The following PCDH9 variants were observed in gnomAD, a reference collection of about 807,000 sequenced individuals.
PCDH9 encodes the protein protocadherin 9, also known as protocadherin-9.
PCDH9 carries 24 observed loss-of-function variants against 70.6 expected under a neutral mutation model. That is an observed-to-expected ratio of 0.34 (90% CI 0.25 to 0.48). PCDH9 has a LOEUF of 0.48. PCDH9 is among the 20% of genes least tolerant of loss of function. The pLI is 0.99. For missense variants in PCDH9, 1,281 were observed against 1,503.6 expected (o/e 0.85, Z 2.45); for synonymous variants, 562 against 558.5 (o/e 1.01, Z -0.09).
chr13:67,042,506 A>G (rs868604850), intron 2 of PCDH9, among the ~76,000 whole-genome samples: 2 of 152,090 alleles, frequency 1.3e-5, no homozygotes, highest in African/African-American at 2.4e-5. Context: ...TAAAAAAAAC[A>G]AAAACAAAAC....
Position 67,228,559 on chromosome 13 carries a change from T to A in PCDH9, c.-119A>T, listed in dbSNP as rs2089939931. On this transcript the variant is annotated 5_prime_UTR_variant, in exon 2 of 5. In the 5' UTR this introduces an upstream ATG that the reference lacks. Coordinates refer to ENST00000377865, the MANE Select transcript of PCDH9 (RefSeq NM_203487.3). ...TGGAGGATGCATTATATCTCATCAC[T>A]TATTTGGAGACAGCCGCTGTCAACA... 1 of 736,146 alleles carries A rather than the reference T, an allele frequency of 1.4e-6. No individual in the cohort carries two copies. Among genetic ancestry groups the A allele is most frequent in the Non-Finnish European group, 2.1e-6 (1 of 469,980 alleles). 45.6% of individuals were successfully genotyped at this position (736,146 alleles called of 1,614,324 possible). A position where few individuals can be genotyped will look rare whatever the true frequency, so the allele number is the denominator to read the frequency against.
intron 2 of PCDH9, among the ~76,000 whole-genome samples, chr13:67,175,532 G>A (rs891204363): frequency 1.3e-5 from 2 of 152,056 alleles, no homozygotes; most frequent in African/African-American, 4.8e-5. Context: ...GTTTGTGTTG[G>A]GTGAGATTTG....
intron 2 of PCDH9, chr13:67,219,932 C>A (rs921342317): frequency 1.3e-5 from 2 of 151,898 alleles, no homozygotes; most frequent in African/African-American, 4.8e-5. Context: ...AAGTAGTAAA[C>A]AATCCACTGG....
At chr13:66,760,348 C>A (rs1052807737) in intron 3 of PCDH9, among the ~76,000 whole-genome samples, 2 of 152,068 alleles carry the variant, frequency 1.3e-5, no homozygotes, top group African/African-American at 4.8e-5. Flanking sequence ...TGCATTTAAT[C>A]TACTTGATGT....
intron 3 of PCDH9, among the ~76,000 whole-genome samples, chr13:66,881,670 G>C (rs2139538904): frequency 6.6e-6 from 1 of 151,982 alleles, no homozygotes; most frequent in East Asian, 1.9e-4. Context: ...ATTTACAATG[G>C]GTTATTTTAC....
At chr13:66,641,894 G>A (rs1170357736) in intron 3 of PCDH9, among the ~76,000 whole-genome samples, 7 of 152,148 alleles carry the variant, frequency 4.6e-5, no homozygotes, top group African/African-American at 1.7e-4. Context: ...GTATTGTGAA[G>A]TGCAAGCATA....
At chr13:66,919,056 T>C (rs1370504546) in intron 2 of PCDH9, among the ~76,000 whole-genome samples, 4 of 151,334 alleles carry the variant, frequency 2.6e-5, no homozygotes, top group Non-Finnish European at 4.4e-5. Flanking sequence ...TATCCTTTAC[T>C]GTTCCTTTCC....
At chr13:67,186,552 A>G (rs1312573387) in intron 2 of PCDH9, among the ~76,000 whole-genome samples, 1 of 152,202 alleles carries the variant, frequency 6.6e-6, no homozygotes, top group African/African-American at 2.4e-5. Flanking sequence ...GGTAGACTGC[A>G]TTTTGAGTAG....
chr13:67,028,424 G>T (rs1204145460), intron 2 of PCDH9, among the ~76,000 whole-genome samples: 1 of 108,362 alleles, frequency 9.2e-6, no homozygotes, highest in African/African-American at 3.5e-5. Context: ...GCTGTGGGGT[G>T]GGGGGAGGGG....
At chr13:67,218,970 A>G (rs2089667426) in intron 2 of PCDH9, 1 of 152,070 alleles carries the variant, frequency 6.6e-6, no homozygotes, top group South Asian at 2.1e-4. Flanking sequence ...CCATTTAAAT[A>G]ATGAATAAAT....
chr13:66,925,892 T>C (rs2082710079), intron 2 of PCDH9, among the ~76,000 whole-genome samples: 1 of 152,022 alleles, frequency 6.6e-6, no homozygotes, highest in Admixed American at 6.6e-5. Flanking sequence ...ATCATCTGAA[T>C]AAAACAGCAA....
At chr13:66,476,708 C>A (rs1345567433) in intron 4 of PCDH9, among the ~76,000 whole-genome samples, 2 of 151,978 alleles carry the variant, frequency 1.3e-5, no homozygotes, top group Admixed American at 1.3e-4. Flanking sequence ...TCCATATTCA[C>A]CTAAGAAGGC....
At chr13:66,716,501 G>A (rs573091989) in intron 3 of PCDH9, among the ~76,000 whole-genome samples, 2 of 152,118 alleles carry the variant, frequency 1.3e-5, no homozygotes, top group African/African-American at 2.4e-5. Flanking sequence ...ACTTGGGTGG[G>A]TATTAATCTA....
rs1191454430 is a variant in PCDH9, at chr13:66,513,453, C to T, written c.3340+117757G>A. ...TTGCCACGTTTTACATAATTTCATTCGCTAGCAGTGTTTTTATGCCCTTGT... is the reference window on the plus strand; with the variant it reads ...TTGCCACGTTTTACATAATTTCATTTGCTAGCAGTGTTTTTATGCCCTTGT... On this transcript the variant is annotated intron_variant, in intron 4 of 4. Coordinates refer to ENST00000377865, the MANE Select transcript of PCDH9 (RefSeq NM_203487.3). Among the ~76,000 whole-genome samples the T allele has an allele frequency of 4.6e-5, 7 of 151,932 alleles. No homozygotes were observed. In the South Asian group the frequency reaches 6.2e-4, roughly 13 times the overall value.
chr13:67,200,737 T>C (rs1339681234), intron 2 of PCDH9, among the ~76,000 whole-genome samples: 2 of 152,030 alleles, frequency 1.3e-5, no homozygotes, highest in African/African-American at 2.4e-5. Context: ...GCTTGACATT[T>C]CGATGCTGAA....
intron 4 of PCDH9, among the ~76,000 whole-genome samples, chr13:66,550,089 A>G (rs974402418): frequency 6.6e-6 from 1 of 152,158 alleles, no homozygotes; most frequent in African/African-American, 2.4e-5. Flanking sequence ...TTTTCAGTGA[A>G]GAGCACAGAG....
intron 3 of PCDH9, among the ~76,000 whole-genome samples, chr13:66,672,656 G>A (rs1436500955): frequency 6.6e-6 from 1 of 152,202 alleles, no homozygotes; most frequent in Non-Finnish European, 1.5e-5. Flanking sequence ...GCAGTTGGGA[G>A]GGGGGCTGTA....
intron 4 of PCDH9, among the ~76,000 whole-genome samples, chr13:66,326,504 C>T (rs574566439): frequency 3.0e-4 from 45 of 152,108 alleles, no homozygotes; most frequent in Non-Finnish European, 5.7e-4. Flanking sequence ...CTGCAAGCTC[C>T]GCCTCCCGGG....
At chr13:66,596,876 TC>T (rs376898141) in intron 4 of PCDH9, among the ~76,000 whole-genome samples, 1 of 151,090 alleles carries the variant, frequency 6.6e-6, no homozygotes, top group African/African-American at 2.4e-5. Context: ...ACATGGCTAT[TC>T]TTTTTTTTTT....
Sources: allele counts gnomAD v4.1 joint callset (sites outside exome capture counted in the v4.1 genomes callset), GRCh38; gene constraint gnomAD v4.1.1; transcripts MANE v1.5; gene names NCBI Gene and HGNC (gene_info 2026-07-23, HGNC 2026-07-21).